INPP4B: variants seen among roughly 807,000 people sequenced by gnomAD.
INPP4B encodes inositol polyphosphate 4-phosphatase type II.
Under a neutral mutation model 122.5 loss-of-function variants are expected in INPP4B, and 55 were observed. That is an observed-to-expected ratio of 0.45 (90% CI 0.36 to 0.56). The LOEUF is 0.56. INPP4B is among the 20% of genes least tolerant of loss of function. INPP4B has a pLI of 0.00. For synonymous variants in INPP4B, 403 were observed against 388.7 expected, an observed-to-expected ratio of 1.04 and a Z score of -0.43; for missense variants, 1,000 against 1,097.7, an observed-to-expected ratio of 0.91 and a Z score of 1.26.
intron 23 of INPP4B, among the ~76,000 whole-genome samples, chr4:142,098,167 G>A (rs901135562): frequency 3.3e-5 from 5 of 152,080 alleles, no homozygotes; most frequent in Non-Finnish European, 7.4e-5. Flanking sequence ...AGGGCATAGA[G>A]CCACTAAAAA....
At chr4:142,557,601 C>T (rs2150105417) in intron 2 of INPP4B, among the ~76,000 whole-genome samples, 3 of 152,316 alleles carry the variant, frequency 2.0e-5, no homozygotes, top group Middle Eastern at 3.4e-3. Context: ...CACAGTTCCA[C>T]ACTACAGTGC....
At chr4:142,828,642 T>C (rs891924089) in intron 1 of INPP4B, among the ~76,000 whole-genome samples, 5 of 152,158 alleles carry the variant, frequency 3.3e-5, no homozygotes, top group East Asian at 3.9e-4. Context: ...TGGGCTTACA[T>C]TGAAAAATGA....
intron 7 of INPP4B, among the ~76,000 whole-genome samples, chr4:142,396,663 T>C (rs915496574): frequency 1.3e-5 from 2 of 152,290 alleles, no homozygotes; most frequent in African/African-American, 4.8e-5. Flanking sequence ...CATATGTTCA[T>C]AGATGTTTTA....
chr4:142,080,579 C>T (rs918475179), intron 25 of INPP4B, among the ~76,000 whole-genome samples: 2 of 152,040 alleles, frequency 1.3e-5, no homozygotes, highest in African/African-American at 2.4e-5. Context: ...ATATAATGTC[C>T]ATCATAGGCA....
chr4:142,244,717 G>T (rs1380623322), intron 11 of INPP4B, among the ~76,000 whole-genome samples: 1 of 152,144 alleles, frequency 6.6e-6, no homozygotes, highest in Admixed American at 6.6e-5. Flanking sequence ...ATAGTAGAAT[G>T]ATTTATAATC....
At chr4:142,785,701 A>T (rs1775671359) in intron 1 of INPP4B, among the ~76,000 whole-genome samples, 1 of 152,116 alleles carries the variant, frequency 6.6e-6, no homozygotes, top group Non-Finnish European at 1.5e-5. Context: ...ACATATATAC[A>T]ATTGGAATAC....
At chr4:142,493,298 C>A (rs1054747038) in intron 2 of INPP4B, among the ~76,000 whole-genome samples, 1 of 152,190 alleles carries the variant, frequency 6.6e-6, no homozygotes, top group Non-Finnish European at 1.5e-5. Context: ...TTGGAGCCCA[C>A]ACATACAGTC....
intron 22 of INPP4B, 138 bp from the exon 23 acceptor site, chr4:142,108,328 A>G: frequency 1.5e-6 from 1 of 651,740 alleles, no homozygotes; most frequent in Non-Finnish European, 2.7e-6. Context: ...GCTACAATTC[A>G]CAATGGTGAT....
chr4:142,207,687 A>G (rs148351843), intron 14 of INPP4B, among the ~76,000 whole-genome samples: 184 of 152,314 alleles, frequency 1.2e-3, no homozygotes, highest in African/African-American at 4.1e-3. Flanking sequence ...TATGGAGGAC[A>G]GGGACATAAT....
At chr4:142,088,852 A>G (rs1245178235) in intron 23 of INPP4B, among the ~76,000 whole-genome samples, 14 of 152,176 alleles carry the variant, frequency 9.2e-5, no homozygotes, top group Non-Finnish European at 2.1e-4. Context: ...ACAGTCTAGT[A>G]GGGTGGGATG....
At chr4:142,762,665 A>G (rs921262907) in intron 1 of INPP4B, among the ~76,000 whole-genome samples, 7 of 152,136 alleles carry the variant, frequency 4.6e-5, no homozygotes, top group Non-Finnish European at 1.5e-5. Context: ...ATCTTCCATC[A>G]TCACTGCAGT....
intron 25 of INPP4B, among the ~76,000 whole-genome samples, chr4:142,072,351 T>G (rs1767958940): frequency 9.5e-5 from 14 of 148,020 alleles, no homozygotes; most frequent in Admixed American, 2.0e-4. Context: ...TGAGGGGAGG[T>G]GGGAGGGATA....
chr4:142,564,439 C>CAAAAAAAAAAAAAAA (rs199803105), intron 2 of INPP4B, among the ~76,000 whole-genome samples: 1 of 97,936 alleles, frequency 1.0e-5, no homozygotes, highest in African/African-American at 4.2e-5. Flanking sequence ...TAAGGAATGG[C>CAAAAAAAAAAAAAAA]AAAAAAAAAA....
chr4:142,558,831 A>G (rs1729833936), intron 2 of INPP4B, among the ~76,000 whole-genome samples: 1 of 138,410 alleles, frequency 7.2e-6, no homozygotes, highest in South Asian at 2.3e-4. Flanking sequence ...AAAGAAGCTC[A>G]ATTTTTTGAA....
intron 25 of INPP4B, among the ~76,000 whole-genome samples, chr4:142,037,741 C>T (rs1744857922): frequency 6.6e-6 from 1 of 152,182 alleles, no homozygotes; most frequent in East Asian, 1.9e-4. Context: ...TAATAGAGTA[C>T]CACGTTTCAG....
chr4:142,714,956 A>G (rs1386365531), intron 2 of INPP4B, among the ~76,000 whole-genome samples: 1 of 152,230 alleles, frequency 6.6e-6, no homozygotes, highest in Admixed American at 6.5e-5. Context: ...TTAACAAGAA[A>G]ATAAACAATT....
At chr4:142,262,815 G>A (rs918915532) in intron 10 of INPP4B, among the ~76,000 whole-genome samples, 1 of 152,056 alleles carries the variant, frequency 6.6e-6, no homozygotes, top group Non-Finnish European at 1.5e-5. Flanking sequence ...AAGACCTTCT[G>A]AGACTGGTCA....
At chr4:142,119,555 C>A (rs982298404) in intron 21 of INPP4B, among the ~76,000 whole-genome samples, 1 of 141,966 alleles carries the variant, frequency 7.0e-6, no homozygotes, top group African/African-American at 2.7e-5. Flanking sequence ...GACAGAAAAC[C>A]AAACACTGCA....
chr4:142,405,164 A>AGAGAGG, intron 6 of INPP4B, 42 bp downstream of exon 6: 1 of 855,388 alleles, frequency 1.2e-6, no homozygotes. Context: ...CCAGCAAGAG[A>AGAGAGG]GAGAGAGAGA....
Sources: allele counts gnomAD v4.1 joint callset (sites outside exome capture counted in the v4.1 genomes callset), GRCh38; gene constraint gnomAD v4.1.1; transcripts MANE v1.5; gene names NCBI Gene and HGNC (gene_info 2026-07-23, HGNC 2026-07-21).